PCSK5: variants seen among roughly 807,000 people sequenced by gnomAD.
PCSK5 encodes the protein prohormone convertase 5.
PCSK5 carries 129 observed loss-of-function variants against 233.2 expected under a neutral mutation model. That is an observed-to-expected ratio of 0.55 (90% CI 0.48 to 0.64). PCSK5 has a LOEUF of 0.64. Ranked by LOEUF, PCSK5 falls within the 30% of genes least tolerant of loss-of-function variation. The probability of loss-of-function intolerance (pLI) is 0.00; values close to 1 mark genes in which losing one functional copy is unlikely to be tolerated. For missense variants in PCSK5, 2,076 were observed against 2,430.1 expected (o/e 0.85, Z 3.06); for synonymous variants, 825 against 879.2 (o/e 0.94, Z 1.09).
At chr9:76,206,159 G>A (rs1274075945) in intron 20 of PCSK5, among the ~76,000 whole-genome samples, 1 of 152,144 alleles carries the variant, frequency 6.6e-6, no homozygotes, top group African/African-American at 2.4e-5. Context: ...TGGAATCTGA[G>A]AATTTATATT....
chr9:76,275,438 T>C (rs1011023520), intron 24 of PCSK5, among the ~76,000 whole-genome samples: 5 of 152,156 alleles, frequency 3.3e-5, no homozygotes, highest in Non-Finnish European at 7.4e-5. Flanking sequence ...TGTTTGTTTG[T>C]TTTTCAGATG....
chr9:75,965,707 G>A (rs1825555176), intron 2 of PCSK5, among the ~76,000 whole-genome samples: 1 of 152,170 alleles, frequency 6.6e-6, no homozygotes, highest in Non-Finnish European at 1.5e-5. Context: ...GCCTAGTCAA[G>A]TGGGCACATA....
In PCSK5 at chr9:76,321,406, T is replaced by A; in HGVS notation, c.3885-16T>A. The A allele has an allele frequency of 7.2e-7, 1 of 1,386,412 alleles. No homozygotes were observed. Among genetic ancestry groups the A allele is most frequent in the Non-Finnish European group, 1.0e-6 (1 of 974,010 alleles). 85.9% of individuals were successfully genotyped at this position (1,386,412 alleles called of 1,614,324 possible). ...CAGGTCAGCTTCTCCAGTTGCACTC[T>A]GTCTTCCTTCCACAGGGGCTCTTAT... On this transcript the variant is annotated splice_polypyrimidine_tract_variant and intron_variant, in intron 30 of 37. Transcript: ENST00000674117.
intron 7 of PCSK5, among the ~76,000 whole-genome samples, chr9:76,093,565 TTA>T (rs763686948): frequency 7.0e-4 from 103 of 146,444 alleles, no homozygotes; most frequent in Middle Eastern, 3.5e-3. Context: ...TGTCATAATT[TTA>T]TATATATATA....
intron 35 of PCSK5, among the ~76,000 whole-genome samples, chr9:76,347,157 T>A (rs1830002677): frequency 1.3e-5 from 2 of 152,052 alleles, no homozygotes; most frequent in South Asian, 4.2e-4. Flanking sequence ...AAACCCAGGC[T>A]GAGTAACCAA....
intron 20 of PCSK5, among the ~76,000 whole-genome samples, chr9:76,221,428 G>A (rs369670963): frequency 1.7e-4 from 26 of 152,184 alleles, no homozygotes; most frequent in Non-Finnish European, 2.8e-4. Context: ...CACCTGGGTC[G>A]CAGCCCAGCT....
intron 5 of PCSK5, among the ~76,000 whole-genome samples, chr9:76,048,032 G>A (rs1250436804): frequency 1.3e-5 from 2 of 152,076 alleles, no homozygotes; most frequent in African/African-American, 2.4e-5. Flanking sequence ...ATTTAAAGCC[G>A]CTGTCACGTT....
At chr9:76,036,468 G>A (rs888116149) in intron 5 of PCSK5, among the ~76,000 whole-genome samples, 1 of 152,134 alleles carries the variant, frequency 6.6e-6, no homozygotes, top group Non-Finnish European at 1.5e-5. Flanking sequence ...CTAGGTACCA[G>A]CCCCAGCCTT....
intron 2 of PCSK5, among the ~76,000 whole-genome samples, chr9:75,977,902 C>A (rs1034961223): frequency 6.6e-6 from 1 of 151,516 alleles, no homozygotes; most frequent in African/African-American, 2.4e-5. Context: ...TGAGCCACCG[C>A]GCCCGGCCAA....
At chr9:76,110,302 A>G (rs889926904) in intron 9 of PCSK5, among the ~76,000 whole-genome samples, 2 of 152,194 alleles carry the variant, frequency 1.3e-5, no homozygotes, top group South Asian at 2.1e-4. Context: ...GCCAGTCCCT[A>G]TTTGAACTGC....
At chr9:76,094,717 C>G (rs1301906131) in intron 7 of PCSK5, among the ~76,000 whole-genome samples, 1 of 152,098 alleles carries the variant, frequency 6.6e-6, no homozygotes, top group Non-Finnish European at 1.5e-5. Flanking sequence ...TCAAGCGATT[C>G]TCGTGCCTCA....
intron 35 of PCSK5, among the ~76,000 whole-genome samples, chr9:76,348,079 T>C (rs1467366055): frequency 6.6e-6 from 1 of 152,068 alleles, no homozygotes; most frequent in African/African-American, 2.4e-5. Context: ...GAGACCAGCC[T>C]AGGCAACATA....
At chr9:76,226,633 A>G (rs949022443) in intron 20 of PCSK5, among the ~76,000 whole-genome samples, 2 of 151,884 alleles carry the variant, frequency 1.3e-5, no homozygotes, top group African/African-American at 4.8e-5. Flanking sequence ...CTGAAACCAT[A>G]TTTTCTGGGC....
intron 30 of PCSK5, among the ~76,000 whole-genome samples, chr9:76,316,435 G>A (rs1048226082): frequency 2.6e-5 from 4 of 151,826 alleles, no homozygotes; most frequent in Admixed American, 6.6e-5. Flanking sequence ...ATTTTCATTC[G>A]ATTAGAAGAT....
chr9:76,302,642 C>T (rs1010862354), intron 28 of PCSK5, among the ~76,000 whole-genome samples: 5 of 152,136 alleles, frequency 3.3e-5, no homozygotes, highest in African/African-American at 1.2e-4. Context: ...TCGATGTATT[C>T]ATACAATAGA....
Position 75,891,066 on chromosome 9 carries a change from G to A in PCSK5, c.-116G>A. 2.0e-6 allele frequency: 2 copies of A among 975,744 alleles called. No homozygotes were observed. The highest frequency in any genetic ancestry group is 2.8e-6 in the Non-Finnish European group (2 of 726,778). 60.4% of individuals were successfully genotyped at this position (975,744 alleles called of 1,614,324 possible). On this transcript the variant is annotated 5_prime_UTR_variant, in exon 1 of 38. Coordinates refer to ENST00000674117, the MANE Select transcript of PCSK5 (RefSeq NM_001372043.1). ...CCTCCTGCCGATCGCCCGGGGCTGC[G>A]AGCTGCGGCGGCCCGGGGCTGCTCG... is the stretch of plus-strand genomic sequence containing the variant.
chr9:76,338,238 C>G lies in PCSK5; in HGVS notation c.4757C>G (p.Ala1586Gly). 6.2e-7 allele frequency: 1 copy of G among 1,610,918 alleles called. No homozygotes were observed. Among genetic ancestry groups the G allele is most frequent in the East Asian group, 2.2e-5 (1 of 44,838 alleles). ...CLLQCREGYY[A>G]DNSTGRCERC... Reference sequence around the variant, plus strand: ...TTCTCCTTTGGTTTCAGATATTACGCAGACAACTCCACTGGCCGGTGTGAG... The same window carrying G: ...TTCTCCTTTGGTTTCAGATATTACGGAGACAACTCCACTGGCCGGTGTGAG... The change falls in exon 35 of 38, where the codon GCA becomes GGA. Residue 1586 changes from alanine to glycine, a missense_variant. Ala to Gly is a moderately conservative substitution (Grantham distance 60, BLOSUM62 0). Around this residue, in one of 6 missense-constraint regions of PCSK5, gnomAD observed 1,510 missense variants for 1,538.1 expected, o/e 0.98. Transcript: ENST00000674117.
intron 9 of PCSK5, among the ~76,000 whole-genome samples, chr9:76,125,996 T>C (rs1564045186): frequency 6.6e-6 from 1 of 152,222 alleles, no homozygotes; most frequent in Non-Finnish European, 1.5e-5. Flanking sequence ...CCCCTCATTA[T>C]CAGGGATTCT....
chr9:76,249,820 C>T (rs1337669298), intron 24 of PCSK5, among the ~76,000 whole-genome samples: 1 of 152,138 alleles, frequency 6.6e-6, no homozygotes, highest in South Asian at 2.1e-4. Flanking sequence ...AACTGAAGAG[C>T]TCTCACTGGC....
Sources: gnomAD v4.1 joint callset for allele counts (sites outside exome capture counted in the v4.1 genomes callset) on GRCh38, gnomAD v4.1.1 for gene constraint, gnomAD v4.1.1 regional missense constraint, MANE v1.5 for transcripts, NCBI Gene and HGNC (gene_info 2026-07-23, HGNC 2026-07-21) for gene names.